The following ERBIN variants were observed in gnomAD, a reference collection of about 807,000 sequenced individuals.
ERBIN encodes erbb2 interacting protein.
Under a neutral mutation model 158.4 loss-of-function variants are expected in ERBIN, and 60 were observed. The observed-to-expected ratio is 0.38, with a 90% CI of 0.31 to 0.47. The LOEUF is 0.47. Ranked by LOEUF, ERBIN falls within the 20% of genes least tolerant of loss-of-function variation. The pLI, the probability that ERBIN is intolerant of heterozygous loss-of-function variation, is 0.99. For missense variants in ERBIN, 1,610 were observed against 1,648.0 expected, an observed-to-expected ratio of 0.98 and a Z score of 0.40; for synonymous variants, 594 against 557.2, an observed-to-expected ratio of 1.07 and a Z score of -0.93.
At chr5:65,936,404 A>G (rs993982220) in intron 1 of ERBIN, among the ~76,000 whole-genome samples, 1 of 152,226 alleles carries the variant, frequency 6.6e-6, no homozygotes, top group Non-Finnish European at 1.5e-5. Flanking sequence ...TGGGTGCCCT[A>G]TTAATCCCTG....
rs1758912254 is a variant in ERBIN, at chr5:66,050,470, C to T, written c.1904-313C>T. ...CCGTTTTAGCCGGGATGGCCTCGAT[C>T]TCCTGACCTCGTGATCCGCCCGCCT... is the stretch of plus-strand genomic sequence containing the variant. On this transcript the variant is annotated intron_variant, in intron 19 of 25. Coordinates refer to ENST00000284037, the MANE Select transcript of ERBIN (RefSeq NM_001253697.2). 3.2e-4 allele frequency among the ~76,000 whole-genome samples: 2 copies of T among 6,192 alleles called. 1 individual carries two copies. The highest frequency in any genetic ancestry group is 2.5e-3 in the African/African-American group (2 of 792). The allele number at this position is 6,192 out of a possible 152,430, so 4.1% of individuals were successfully genotyped here.
chr5:66,017,518 ATTT>A (rs35773988), intron 7 of ERBIN, among the ~76,000 whole-genome samples: 5,914 of 135,362 alleles, frequency 0.044, 398 homozygotes, highest in African/African-American at 0.15. Flanking sequence ...TTACAATAGA[ATTT>A]TTTTTTTTTT....
rs1462798840 is a variant in ERBIN at position 66,078,758 on chromosome 5, A to C, written c.*228A>C. The C allele has an allele frequency of 2.1e-6, 1 of 468,472 alleles. No homozygotes were observed. Among genetic ancestry groups the C allele is most frequent in the Non-Finnish European group, 3.7e-6 (1 of 266,980 alleles). The allele number at this position is 468,472 out of a possible 1,614,324, so 29.0% of individuals were successfully genotyped here. ...CCATATAAAACTTGTTAGGTTTTTAAACATAGCAATCAAGGCTACAAAAAC... is the reference window on the plus strand; with the variant it reads ...CCATATAAAACTTGTTAGGTTTTTACACATAGCAATCAAGGCTACAAAAAC... On this transcript the variant is annotated 3_prime_UTR_variant, in exon 26 of 26. Transcript: ENST00000284037.
chr5:65,965,382 G>GTTTTGTTTT (rs1748464142), intron 1 of ERBIN, among the ~76,000 whole-genome samples: 2 of 96,072 alleles, frequency 2.1e-5, no homozygotes, highest in East Asian at 3.5e-4. Flanking sequence ...GTTTTTTGTT[G>GTTTTGTTTT]TTTTTTTTTT....
At chr5:66,075,780 C>CT (rs1015108998) in intron 23 of ERBIN, among the ~76,000 whole-genome samples, 9 of 150,440 alleles carry the variant, frequency 6.0e-5, no homozygotes, top group Non-Finnish European at 1.0e-4. Context: ...ATTCTTGCAT[C>CT]TTTTTTTTTA....
chr5:66,053,233 T>A (rs36302), intron 20 of ERBIN, among the ~76,000 whole-genome samples, 173 bp from the exon 21 acceptor site: 128,385 of 152,156 alleles, frequency 0.84, 54,776 homozygotes, highest in African/African-American at 0.91. Context: ...ATAAAGCTCT[T>A]TTAACTATTA....
chr5:65,942,647 G>C (rs889519477), intron 1 of ERBIN, among the ~76,000 whole-genome samples: 17 of 152,306 alleles, frequency 1.1e-4, no homozygotes, highest in Admixed American at 3.9e-4. Context: ...ACTTAAGGCT[G>C]GGTGCAGTGG....
In ERBIN at chr5:66,053,579, CTGA is replaced by C. The variant is rs1308511202; in HGVS notation, c.2265_2267del (p.Asp756del). 6.2e-7 allele frequency: 1 copy of C among 1,610,824 alleles called. No individual in the cohort carries two copies. The highest frequency in any genetic ancestry group is 1.7e-5 in the Admixed American group (1 of 58,966). On this transcript the variant is annotated inframe_deletion, in exon 21 of 26. Transcript: ENST00000284037. Reference sequence around the variant, plus strand: ...AAAAGTGTTGACTCAACAGCCACAGCTGATGACACTCACAAATTAGATCATATC... The same window carrying C: ...AAAAGTGTTGACTCAACAGCCACAGCTGACACTCACAAATTAGATCATATC...
rs1470614283 is a variant in ERBIN at position 65,977,300 on chromosome 5, C to T, written c.-57-11335C>T. On this transcript the variant is annotated intron_variant, in intron 1 of 25. Coordinates refer to ENST00000284037, the MANE Select transcript of ERBIN (RefSeq NM_001253697.2). ...GCGGCTGGCCGGGCGGGGGGCTGACCCCCCCACCTCCCTCCCGGACGAGGT... is the reference window on the plus strand; with the variant it reads ...GCGGCTGGCCGGGCGGGGGGCTGACTCCCCCACCTCCCTCCCGGACGAGGT... 4.7e-5 allele frequency among the ~76,000 whole-genome samples: 7 copies of T among 149,638 alleles called. No homozygotes were observed. The East Asian group carries it at 1.4e-3, about 30-fold the overall frequency.
intron 1 of ERBIN, among the ~76,000 whole-genome samples, chr5:65,958,441 A>G (rs898654222): frequency 5.3e-5 from 8 of 152,246 alleles, no homozygotes; most frequent in African/African-American, 1.9e-4. Context: ...CAACACAGCG[A>G]AACCCCGTCT....
Position 66,078,717 on chromosome 5 carries a change from G to C in ERBIN, c.*187G>C, listed in dbSNP as rs1762232950. 3.6e-6 allele frequency: 2 copies of C among 558,550 alleles called. No individual in the cohort carries two copies. The highest frequency in any genetic ancestry group is 6.3e-6 in the Non-Finnish European group (2 of 316,762). 34.6% of individuals were successfully genotyped at this position (558,550 alleles called of 1,614,324 possible). Reference sequence around the variant, plus strand: ...GAACCACTGTACAGAATATAAAGGAGACTGTTGAATTCATACCATATAAAA... The same window carrying C: ...GAACCACTGTACAGAATATAAAGGACACTGTTGAATTCATACCATATAAAA... On this transcript the variant is annotated 3_prime_UTR_variant, in exon 26 of 26. Transcript: ENST00000284037.
intron 1 of ERBIN, among the ~76,000 whole-genome samples, chr5:65,964,735 A>T (rs1748333431): frequency 7.2e-6 from 1 of 138,162 alleles, no homozygotes; most frequent in Admixed American, 7.8e-5. Context: ...CAGCAGCCAG[A>T]GCAATCTTTT....
chr5:66,077,150 C>T (rs75713320), intron 25 of ERBIN, among the ~76,000 whole-genome samples: 1 of 74,600 alleles, frequency 1.3e-5, no homozygotes, highest in African/African-American at 4.3e-5. Context: ...GACTCTGTCT[C>T]AAAAAAAAAA....
chr5:65,949,262 A>AC (rs1746205939), intron 1 of ERBIN, among the ~76,000 whole-genome samples: 1 of 152,128 alleles, frequency 6.6e-6, no homozygotes, highest in Non-Finnish European at 1.5e-5. Context: ...TGCTTTGAAG[A>AC]CCCCTGAAAA....
intron 7 of ERBIN, among the ~76,000 whole-genome samples, chr5:66,018,527 T>TTATATAATA (rs1554058825): frequency 0.091 from 416 of 4,566 alleles, 119 homozygotes; most frequent in Non-Finnish European, 0.13. Flanking sequence ...ATAATATATA[T>TTATATAATA]TATATTATAT....
chr5:66,029,568 T>TCC (rs1255678113), intron 14 of ERBIN, among the ~76,000 whole-genome samples: 134 of 152,134 alleles, frequency 8.8e-4, no homozygotes, highest in African/African-American at 3.2e-3. Context: ...TTCTGTTCTG[T>TCC]TCTGTCCTGT....
rs188884765 is a variant in ERBIN at position 66,068,786 on chromosome 5, G to A, written c.3634-3383G>A. On this transcript the variant is annotated intron_variant, in intron 21 of 25. Transcript: ENST00000284037. ...TGCATGATACTTCTCTGGTTTTGGG[G>A]TTACTTGTAAATAAGTCTACGTATA... is the stretch of plus-strand genomic sequence containing the variant. 108 of 1,157,322 alleles carry A rather than the reference G, an allele frequency of 9.3e-5. No homozygotes were observed. In the African/African-American group the frequency reaches 1.5e-3, roughly 16 times the overall value. The allele number at this position is 1,157,322 out of a possible 1,614,324, so 71.7% of individuals were successfully genotyped here.
At chr5:65,970,163 C>T (rs1749091002) in intron 1 of ERBIN, among the ~76,000 whole-genome samples, 1 of 152,044 alleles carries the variant, frequency 6.6e-6, no homozygotes, top group Non-Finnish European at 1.5e-5. Context: ...GTTTATTAAA[C>T]CAAGCAGTGA....
chr5:66,079,280 G>C lies in ERBIN; in HGVS notation c.*750G>C, dbSNP rs1430437599. On this transcript the variant is annotated 3_prime_UTR_variant, in exon 26 of 26. Coordinates refer to ENST00000284037, the MANE Select transcript of ERBIN (RefSeq NM_001253697.2). ...GCCATTGACTATACATTTGCTACTG[G>C]TGATTCAGTTTTTAATTTTTTAGTC... 1 of 152,310 alleles carries C rather than the reference G, an allele frequency of 6.6e-6. No homozygotes were observed. Among genetic ancestry groups the C allele is most frequent in the Non-Finnish European group, 1.5e-5 (1 of 67,986 alleles). The allele number at this position is 152,310 out of a possible 1,614,324, so 9.4% of individuals were successfully genotyped here.
Sources: allele counts gnomAD v4.1 joint callset (sites outside exome capture counted in the v4.1 genomes callset), GRCh38; gene constraint gnomAD v4.1.1; transcripts MANE v1.5; gene names NCBI Gene and HGNC (gene_info 2026-07-23, HGNC 2026-07-21).